Variants in LIMCH1 observed in about 807,000 individuals in gnomAD.
LIMCH1 encodes the protein LIM and calponin homology domains-containing protein 1.
Under a neutral mutation model 176.5 loss-of-function variants are expected in LIMCH1, and 113 were observed. That is an observed-to-expected ratio of 0.64 (90% confidence interval 0.55 to 0.75). The LOEUF (loss-of-function observed/expected upper bound fraction) is 0.75, where lower values mean the gene tolerates loss of function less well. Ranked by LOEUF, LIMCH1 falls within the 30% of genes least tolerant of loss-of-function variation. The pLI is 0.00. For missense variants in LIMCH1, 1,674 were observed against 1,814.9 expected, an observed-to-expected ratio of 0.92 and a Z score of 1.41; for synonymous variants, 619 against 645.9, an observed-to-expected ratio of 0.96 and a Z score of 0.63.
chr4:41,440,842 A>G (rs2062629953), intron 1 of LIMCH1, among the ~76,000 whole-genome samples: 1 of 152,170 alleles, frequency 6.6e-6, no homozygotes, highest in African/African-American at 2.4e-5. Flanking sequence ...CCCATAGTCT[A>G]CTATTGATAA....
chr4:41,524,732 T>A (rs4610372), intron 3 of LIMCH1, among the ~76,000 whole-genome samples: 1 of 152,002 alleles, frequency 6.6e-6, no homozygotes, highest in South Asian at 2.1e-4. Context: ...TTTGTTTTGG[T>A]GTGAGAGGCT....
chr4:41,590,125 C>T (rs995965017), intron 1 of LIMCH1, among the ~76,000 whole-genome samples: 5 of 151,892 alleles, frequency 3.3e-5, no homozygotes, highest in South Asian at 4.2e-4. Flanking sequence ...GACAGGGTCT[C>T]GCTCTTGCCC....
At chr4:41,676,680 C>A (rs1243401719) in intron 23 of LIMCH1, among the ~76,000 whole-genome samples, 6 of 152,112 alleles carry the variant, frequency 3.9e-5, no homozygotes, top group Non-Finnish European at 7.4e-5. Flanking sequence ...AAAAACCATT[C>A]ATATTAACAC....
At chr4:41,507,243 G>T (rs1049859370) in intron 2 of LIMCH1, among the ~76,000 whole-genome samples, 1 of 152,178 alleles carries the variant, frequency 6.6e-6, no homozygotes, top group South Asian at 2.1e-4. Flanking sequence ...TATATCTTCA[G>T]ACTCTTGAAA....
intron 2 of LIMCH1, among the ~76,000 whole-genome samples, chr4:41,512,825 G>A (rs2075093646): frequency 6.6e-6 from 1 of 152,208 alleles, no homozygotes. Flanking sequence ...AAATTAGTTT[G>A]TAGTGATGGT....
At chr4:41,563,722 A>G (rs749682399) in intron 1 of LIMCH1, among the ~76,000 whole-genome samples, 3 of 152,134 alleles carry the variant, frequency 2.0e-5, no homozygotes, top group Non-Finnish European at 4.4e-5. Context: ...TTTGCATGAC[A>G]ATGCCCTCTC....
intron 1 of LIMCH1, among the ~76,000 whole-genome samples, chr4:41,585,103 T>C (rs61492374): frequency 0.048 from 7,299 of 152,234 alleles, 447 homozygotes; most frequent in African/African-American, 0.15. Context: ...TACCATCACA[T>C]TGATCGGCAC....
chr4:41,390,269 A>AGAGAGAGAGAGAGAGC lies in LIMCH1; in HGVS notation c.96+29338_96+29339insAGAGAGAGAGCGAGAG, dbSNP rs760332127. Among the ~76,000 whole-genome samples, 748 of 150,340 alleles carry AGAGAGAGAGAGAGAGC rather than the reference A, an allele frequency of 5.0e-3. 2 individuals are homozygous for AGAGAGAGAGAGAGAGC. Among genetic ancestry groups the AGAGAGAGAGAGAGAGC allele is most frequent in the Middle Eastern group, 0.017 (5 of 292 alleles). ...GAGAGAGAGAGAGAGAGAGAGAGAG[A>AGAGAGAGAGAGAGAGC]GAGAGCGAGAGCGCTCCTCATGCTG... On this transcript the variant is annotated intron_variant, in intron 1 of 26. Coordinates refer to the LIMCH1 transcript ENST00000313860.
intron 22 of LIMCH1, among the ~76,000 whole-genome samples, chr4:41,674,098 C>T (rs188539066): frequency 6.6e-6 from 1 of 152,246 alleles, no homozygotes; most frequent in Non-Finnish European, 1.5e-5. Flanking sequence ...ATGCTGGTTT[C>T]TTCCCCTTTA....
At chr4:41,467,929 G>A (rs542197743) in intron 1 of LIMCH1, among the ~76,000 whole-genome samples, 1 of 152,294 alleles carries the variant, frequency 6.6e-6, no homozygotes, top group African/African-American at 2.4e-5. Flanking sequence ...CATTCATACA[G>A]CGTCACATAT....
chr4:41,375,678 T>C (rs2054649301), intron 1 of LIMCH1, among the ~76,000 whole-genome samples: 1 of 152,254 alleles, frequency 6.6e-6, no homozygotes, highest in South Asian at 2.1e-4. Context: ...GCTCTGTGCC[T>C]GAGCAGTCCC....
intron 1 of LIMCH1, among the ~76,000 whole-genome samples, chr4:41,576,343 G>A (rs1325414995): frequency 1.3e-5 from 2 of 152,200 alleles, no homozygotes; most frequent in East Asian, 3.9e-4. Context: ...ACTTGCTTAT[G>A]TCAGAAAAAA....
At chr4:41,403,493 A>G (rs1370139251) in intron 1 of LIMCH1, among the ~76,000 whole-genome samples, 2 of 152,150 alleles carry the variant, frequency 1.3e-5, no homozygotes, top group Non-Finnish European at 2.9e-5. Flanking sequence ...AGGCAGGAGA[A>G]TCGCTTGAAC....
intron 4 of LIMCH1, 85 bp downstream of exon 4, chr4:41,606,089 T>A: frequency 1.1e-6 from 1 of 899,958 alleles, no homozygotes; most frequent in Non-Finnish European, 1.8e-6. Context: ...ATTACTAGAG[T>A]ACTGGGTTGT....
intron 1 of LIMCH1, among the ~76,000 whole-genome samples, chr4:41,437,023 C>T (rs2062156772): frequency 6.6e-6 from 1 of 152,138 alleles, no homozygotes; most frequent in South Asian, 2.1e-4. Context: ...ACACACAAAT[C>T]TTCTTTTAAG....
intron 2 of LIMCH1, 91 bp downstream of exon 2, chr4:41,599,117 A>G: frequency 1.4e-6 from 1 of 735,730 alleles, no homozygotes; most frequent in South Asian, 1.7e-5. Flanking sequence ...AGAGACAGAG[A>G]ATTGGTTATG....
chr4:41,505,519 T>G (rs2074035891), intron 2 of LIMCH1, among the ~76,000 whole-genome samples: 1 of 152,188 alleles, frequency 6.6e-6, no homozygotes, highest in Non-Finnish European at 1.5e-5. Context: ...CTAGAGTGAT[T>G]GTTTTGAAAA....
chr4:41,501,324 A>T (rs1055732114), intron 2 of LIMCH1, among the ~76,000 whole-genome samples: 3 of 152,254 alleles, frequency 2.0e-5, no homozygotes, highest in African/African-American at 4.8e-5. Context: ...AACCTTAAGG[A>T]AATGAATTCT....
Position 41,382,590 on chromosome 4 carries a change from G to T in LIMCH1, c.96+21654G>T, listed in dbSNP as rs1472669646. Among the ~76,000 whole-genome samples the T allele has an allele frequency of 2.0e-5, 3 of 152,072 alleles. No homozygotes were observed. The East Asian group carries it at 5.8e-4, about 29-fold the overall frequency. On this transcript the variant is annotated intron_variant, in intron 1 of 26. Coordinates refer to the LIMCH1 transcript ENST00000313860. ...GTGATCATAGGTGTGGAAAGGAGGG[G>T]AGGGCTTCCAGGCACATTTGGTGTA...
Sources: allele counts gnomAD v4.1 joint callset (sites outside exome capture counted in the v4.1 genomes callset), GRCh38; gene constraint gnomAD v4.1.1; transcripts MANE v1.5; gene names NCBI Gene and HGNC (gene_info 2026-07-23, HGNC 2026-07-21).